SORL1: variants seen among roughly 807,000 people sequenced by gnomAD.
SORL1 encodes sortilin-related receptor.
Under a neutral mutation model 273.7 loss-of-function variants are expected in SORL1, and 127 were observed. The observed-to-expected ratio is 0.46, with a 90% confidence interval of 0.40 to 0.54. The LOEUF (loss-of-function observed/expected upper bound fraction) is 0.54, where lower values mean the gene tolerates loss of function less well. Among genes scored for constraint, SORL1 ranks in the 20% least tolerant of loss-of-function variants. SORL1 has a pLI of 0.00. For missense variants in SORL1, 2,494 were observed against 2,846.1 expected, an observed-to-expected ratio of 0.88 and a Z score of 2.81; for synonymous variants, 1,031 against 1,067.4, an observed-to-expected ratio of 0.97 and a Z score of 0.66.
Position 121,519,414 on chromosome 11 carries a change from T to C in SORL1, c.1212-1243T>C, listed in dbSNP as rs573073390. On this transcript the variant is annotated intron_variant, in intron 8 of 47. Coordinates refer to ENST00000260197, the MANE Select transcript of SORL1 (RefSeq NM_003105.6). ...TGGGAAACCCATATTCTCTCTCTCT[T>C]TTTTTTTTTTTGAGACGGAGTCTCG... Among the ~76,000 whole-genome samples, 117 of 148,426 alleles carry C rather than the reference T, an allele frequency of 7.9e-4. 1 individual carries two copies. The highest frequency in any genetic ancestry group is 2.4e-3 in the Admixed American group (36 of 14,888).
At chr11:121,508,373 T>G (rs763769874) in intron 6 of SORL1, among the ~76,000 whole-genome samples, 5 of 152,258 alleles carry the variant, frequency 3.3e-5, no homozygotes, top group Non-Finnish European at 5.9e-5. Context: ...TTTTTCCTTT[T>G]AAGCTTTTTA....
In SORL1 at chr11:121,511,624, C is replaced by T. The variant is rs142032040; in HGVS notation, c.940-1379C>T. The stretch of plus-strand genomic sequence containing the variant: ...TAGTACAAGCTATTAATATGGTTTT[C>T]AGGTTTCCATTTTGGTGGGCAGTCT... On this transcript the variant is annotated intron_variant, in intron 6 of 47. Coordinates refer to ENST00000260197, the MANE Select transcript of SORL1 (RefSeq NM_003105.6). Among the ~76,000 whole-genome samples, 33 of 152,262 alleles carry T rather than the reference C, an allele frequency of 2.2e-4. No individual in the cohort carries two copies. In the East Asian group the frequency reaches 6.4e-3, roughly 29 times the overall value.
Position 121,488,175 on chromosome 11 carries a change from G to A in SORL1, c.672G>A (p.Arg224=). 6.2e-7 allele frequency: 1 copy of A among 1,613,992 alleles called. No individual in the cohort carries two copies. The highest frequency in any genetic ancestry group is 8.5e-7 in the Non-Finnish European group (1 of 1,179,978). ...KASNLLLGFD[R]SHPNKQLWKS... ...CCAACCTTCTCTTGGGCTTTGACAG[G>A]TCCCACCCCAACAAGCAGGTAAGAG... The change falls in exon 4 of 48, where the codon AGG becomes AGA. Residue 224 remains arginine, a synonymous_variant. Coordinates refer to ENST00000260197, the MANE Select transcript of SORL1 (RefSeq NM_003105.6).
intron 25 of SORL1, among the ~76,000 whole-genome samples, chr11:121,583,148 C>A (rs1224582764): frequency 6.6e-6 from 1 of 152,190 alleles, no homozygotes; most frequent in Non-Finnish European, 1.5e-5. Context: ...TAAGCCTGTT[C>A]TCATTTGTGA....
chr11:121,477,416 C>T (rs1591552294), intron 2 of SORL1, among the ~76,000 whole-genome samples: 1 of 152,186 alleles, frequency 6.6e-6, no homozygotes, highest in East Asian at 1.9e-4. Context: ...ACAAATCCTC[C>T]GTTCCATTCC....
intron 22 of SORL1, 105 bp from the exon 23 acceptor site, chr11:121,570,052 C>A: frequency 1.6e-6 from 1 of 619,614 alleles, no homozygotes; most frequent in East Asian, 2.9e-5. Context: ...TGAATTTCCC[C>A]CGATAGTTAC....
intron 21 of SORL1, among the ~76,000 whole-genome samples, chr11:121,564,572 G>A (rs556442575): frequency 2.0e-5 from 3 of 152,018 alleles, no homozygotes; most frequent in Admixed American, 6.6e-5. Flanking sequence ...TTATTTGTTC[G>A]TTTTGTTTGT....
chr11:121,529,065 G>A (rs1162076451), intron 11 of SORL1, among the ~76,000 whole-genome samples: 1 of 152,070 alleles, frequency 6.6e-6, no homozygotes, highest in Non-Finnish European at 1.5e-5. Flanking sequence ...CTGTTGTTAA[G>A]TGTATTCACA....
intron 1 of SORL1, among the ~76,000 whole-genome samples, chr11:121,466,327 C>T (rs770527848): frequency 5.3e-5 from 8 of 151,334 alleles, no homozygotes; most frequent in African/African-American, 1.7e-4. Flanking sequence ...GGGGGATTGG[C>T]GATGGAAAAA....
chr11:121,589,160 G>A, intron 28 of SORL1, 99 bp from the exon 29 acceptor site: 1 of 1,371,624 alleles, frequency 7.3e-7, no homozygotes, highest in Non-Finnish European at 1.0e-6. Context: ...TCCTTTGCCA[G>A]AACTCACTGC....
intron 46 of SORL1, chr11:121,626,732 T>C (rs1863800126): frequency 6.6e-6 from 1 of 152,194 alleles, no homozygotes; most frequent in Non-Finnish European, 1.5e-5. Flanking sequence ...TGCCAAAAAC[T>C]GATTCCTAGG....
chr11:121,572,224 C>T (rs1162042271), intron 23 of SORL1, among the ~76,000 whole-genome samples: 3 of 152,274 alleles, frequency 2.0e-5, no homozygotes, highest in South Asian at 2.1e-4. Flanking sequence ...GTATTGGCTC[C>T]GAGTTTTGAG....
intron 6 of SORL1, among the ~76,000 whole-genome samples, chr11:121,510,100 G>T (rs899020365): frequency 6.6e-6 from 1 of 152,158 alleles, no homozygotes; most frequent in Non-Finnish European, 1.5e-5. Flanking sequence ...TAACTAAAGT[G>T]CCCACCAATA....
chr11:121,593,106 T>G (rs1863241036), intron 31 of SORL1, among the ~76,000 whole-genome samples: 1 of 152,190 alleles, frequency 6.6e-6, no homozygotes, highest in Non-Finnish European at 1.5e-5. Context: ...TGATGAATGC[T>G]CATGTCCTCC....
intron 27 of SORL1, 51 bp from the exon 28 acceptor site, chr11:121,587,969 C>T (rs778874538): frequency 2.2e-5 from 35 of 1,605,566 alleles, no homozygotes; most frequent in Non-Finnish European, 2.8e-5. Flanking sequence ...GCTAGAGGGC[C>T]CAGCCAGCCG....
chr11:121,498,602 A>G (rs907002955), intron 6 of SORL1, among the ~76,000 whole-genome samples: 1 of 152,154 alleles, frequency 6.6e-6, no homozygotes, highest in Non-Finnish European at 1.5e-5. Context: ...TGGGCCGGGC[A>G]TGGTGGCTCA....
intron 27 of SORL1, 42 bp downstream of exon 27, chr11:121,586,371 G>T: frequency 1.4e-6 from 2 of 1,396,876 alleles, no homozygotes; most frequent in Non-Finnish European, 2.0e-6. Flanking sequence ...CAGGCCTAGT[G>T]ATTATGAGTG....
At chr11:121,604,604 C>T (rs1863441887) in intron 33 of SORL1, among the ~76,000 whole-genome samples, 1 of 151,938 alleles carries the variant, frequency 6.6e-6, no homozygotes, top group Non-Finnish European at 1.5e-5. Flanking sequence ...CCATGGCTCT[C>T]ACAGTCTCAA....
chr11:121,577,303 C>G lies in SORL1; in HGVS notation c.3483C>G (p.Asp1161Glu), dbSNP rs748981649. 2.5e-5 allele frequency: 40 copies of G among 1,610,436 alleles called. No homozygotes were observed. The highest frequency in any genetic ancestry group is 6.7e-5 in the Admixed American group (4 of 59,336). The change falls in exon 25 of 48, where the codon GAC (aspartate) becomes GAG (glutamate). Residue 1161 changes from aspartate (D) to glutamate (E), a missense_variant. This residue lies in a region of SORL1 where 1,609 missense variants were observed against 1,816.4 expected (regional missense o/e 0.89). Transcript: ENST00000260197. ...CAGAAATGCACCAGTGCCGGAGTGA[C>G]GAGTACAACTGCAGTTCCGGCATGT... ...SHCEMHQCRS[D>E]EYNCSSGMCI...
Sources: allele counts gnomAD v4.1 joint callset (sites outside exome capture counted in the v4.1 genomes callset), GRCh38; gene constraint gnomAD v4.1.1; regional missense constraint gnomAD v4.1.1; transcripts MANE v1.5; gene names NCBI Gene and HGNC (gene_info 2026-07-23, HGNC 2026-07-21).